The following PAM variants were observed in gnomAD, a reference collection of about 807,000 sequenced individuals.
The protein encoded by PAM is peptidylglycine alpha-amidating monooxygenase.
PAM carries 72 observed loss-of-function variants against 122.1 expected under a neutral mutation model. The observed-to-expected ratio is 0.59, with a 90% CI of 0.49 to 0.72. The LOEUF (loss-of-function observed/expected upper bound fraction) is 0.72, where lower values mean the gene tolerates loss of function less well. Among genes scored for constraint, PAM ranks in the 30% least tolerant of loss-of-function variants. The pLI is 0.00. For synonymous variants in PAM, 389 were observed against 404.4 expected (o/e 0.96, Z 0.46); for missense variants, 1,106 against 1,183.7 (o/e 0.93, Z 0.96).
intron 1 of PAM, among the ~76,000 whole-genome samples, chr5:102,785,722 C>T (rs1423311482): frequency 6.6e-6 from 1 of 151,084 alleles, no homozygotes; most frequent in Non-Finnish European, 1.5e-5. Context: ...TTGGGGGAAA[C>T]CATAAAAGTA....
At chr5:102,788,517 C>T (rs979862575) in intron 1 of PAM, among the ~76,000 whole-genome samples, 3 of 152,092 alleles carry the variant, frequency 2.0e-5, no homozygotes, top group Admixed American at 6.6e-5. Context: ...TGCTTTGTAT[C>T]TCTAGATTAT....
At chr5:102,836,098 G>GATTA (rs1325028640) in intron 1 of PAM, among the ~76,000 whole-genome samples, 1 of 152,168 alleles carries the variant, frequency 6.6e-6, no homozygotes, top group Non-Finnish European at 1.5e-5. Context: ...TTAATGTAGA[G>GATTA]ATGTTTGTGA....
downstream of PAM, chr5:103,030,411 CT>C (rs1026884025): frequency 2.1e-4 from 32 of 152,136 alleles, no homozygotes; most frequent in Admixed American, 7.2e-4. Context: ...ATCTAAAACT[CT>C]TTTTCAAAAA....
chr5:102,923,232 A>G (rs1038471180), intron 5 of PAM, among the ~76,000 whole-genome samples: 1 of 152,222 alleles, frequency 6.6e-6, no homozygotes, highest in Non-Finnish European at 1.5e-5. Context: ...GGCTAGAAGC[A>G]GAAAATACGG....
chr5:102,946,942 G>C (rs1482728378), intron 8 of PAM, 57 bp downstream of exon 8: 1 of 1,113,514 alleles, frequency 9.0e-7, no homozygotes, highest in African/African-American at 1.5e-5. Flanking sequence ...TGCGAACTTA[G>C]AGTGGGAAGT....
intron 15 of PAM, among the ~76,000 whole-genome samples, chr5:102,978,678 TC>T (rs1036342297): frequency 7.9e-5 from 12 of 152,138 alleles, no homozygotes; most frequent in Non-Finnish European, 1.3e-4. Context: ...TTTAGTTTTT[TC>T]TTCATTTCTA....
rs150599508 is a variant in PAM, at chr5:102,894,528, C to T, written c.211-6828C>T. Among the ~76,000 whole-genome samples, 10 of 151,594 alleles carry T rather than the reference C, an allele frequency of 6.6e-5. No homozygotes were observed. In the East Asian group the frequency reaches 1.2e-3, roughly 18 times the overall value. On this transcript the variant is annotated intron_variant, in intron 3 of 25. Coordinates refer to ENST00000438793, the MANE Select transcript of PAM (RefSeq NM_001177306.2). The stretch of plus-strand genomic sequence containing the variant: ...CCCTTTTTTCTGTCTACTCTCAATA[C>T]GCTGCCTCCTCTACACACATTGCCC...
chr5:102,762,313 TG>T (rs1400071339), intron 1 of PAM, among the ~76,000 whole-genome samples: 1 of 152,224 alleles, frequency 6.6e-6, no homozygotes, highest in Non-Finnish European at 1.5e-5. Flanking sequence ...ACTCATTGTC[TG>T]TTGTATTTCT....
intron 1 of PAM, among the ~76,000 whole-genome samples, chr5:102,776,183 G>A (rs957450477): frequency 1.3e-5 from 2 of 151,768 alleles, no homozygotes; most frequent in South Asian, 4.2e-4. Flanking sequence ...TTTTGATGGG[G>A]TTGTTTTTTT....
At chr5:103,004,005 G>A (rs1778196652) in intron 17 of PAM, among the ~76,000 whole-genome samples, 1 of 152,056 alleles carries the variant, frequency 6.6e-6, no homozygotes, top group African/African-American at 2.4e-5. Flanking sequence ...AAGAAGTGAG[G>A]GAGGCACTTG....
At chr5:102,796,976 C>T (rs77397890) in intron 1 of PAM, among the ~76,000 whole-genome samples, 4 of 152,086 alleles carry the variant, frequency 2.6e-5, no homozygotes, top group Non-Finnish European at 5.9e-5. Context: ...TGATAGAGAG[C>T]CATATGCTTC....
chr5:103,018,841 A>C (rs1460923130), intron 22 of PAM, among the ~76,000 whole-genome samples: 1 of 152,200 alleles, frequency 6.6e-6, no homozygotes, highest in Non-Finnish European at 1.5e-5. Context: ...GTTTCATGGA[A>C]GACAATTTTT....
At chr5:102,947,764 G>A (rs1197434681) in intron 8 of PAM, among the ~76,000 whole-genome samples, 1 of 152,148 alleles carries the variant, frequency 6.6e-6, no homozygotes, top group Non-Finnish European at 1.5e-5. Context: ...GGGCATGAAT[G>A]TCACAGCTAG....
At chr5:102,839,023 G>T (rs903414709) in intron 1 of PAM, among the ~76,000 whole-genome samples, 1 of 151,988 alleles carries the variant, frequency 6.6e-6, no homozygotes, top group African/African-American at 2.4e-5. Flanking sequence ...TTTTTTATTG[G>T]GAGATATATC....
intron 3 of PAM, among the ~76,000 whole-genome samples, chr5:102,874,408 T>G (rs1418051332): frequency 1.3e-5 from 2 of 152,202 alleles, no homozygotes; most frequent in Non-Finnish European, 2.9e-5. Context: ...ACTTCCTCTT[T>G]ATTTTTACTG....
intron 16 of PAM, among the ~76,000 whole-genome samples, chr5:103,001,570 TC>T (rs1562200651): frequency 6.6e-6 from 1 of 152,156 alleles, no homozygotes; most frequent in African/African-American, 2.4e-5. Context: ...TATTTTGTGT[TC>T]AATTGAATGC....
intron 3 of PAM, among the ~76,000 whole-genome samples, chr5:102,879,779 A>G (rs1790385357): frequency 1.3e-5 from 2 of 152,224 alleles, no homozygotes; most frequent in African/African-American, 2.4e-5. Flanking sequence ...AGTATCCTAT[A>G]TATACAAATA....
chr5:102,784,970 A>C (rs1275388743), intron 1 of PAM, among the ~76,000 whole-genome samples: 4 of 152,366 alleles, frequency 2.6e-5, no homozygotes, highest in East Asian at 1.9e-4. Context: ...AGGATTAAAA[A>C]CAACAAAAAA....
intron 1 of PAM, among the ~76,000 whole-genome samples, chr5:102,863,165 A>AATATATTTATT (rs1784636277): frequency 6.9e-6 from 1 of 145,124 alleles, no homozygotes; most frequent in African/African-American, 2.9e-5. Context: ...TGAAGATTTT[A>AATATATTTATT]TGGATATGTA....
Sources: gnomAD v4.1 joint callset for allele counts (sites outside exome capture counted in the v4.1 genomes callset) on GRCh38, gnomAD v4.1.1 for gene constraint, MANE v1.5 for transcripts, NCBI Gene and HGNC (gene_info 2026-07-23, HGNC 2026-07-21) for gene names.